FKBP5: variants seen among roughly 807,000 people sequenced by gnomAD.
FKBP5 encodes the protein FKBP prolyl isomerase 5.
A neutral mutation model predicts 50.5 loss-of-function variants in FKBP5; 23 were observed. That is an observed-to-expected ratio of 0.46 (90% confidence interval 0.33 to 0.65). FKBP5 has a LOEUF of 0.65. Ranked by LOEUF, FKBP5 falls within the 30% of genes least tolerant of loss-of-function variation. The pLI is 0.02. For missense variants in FKBP5, 411 were observed against 553.1 expected (o/e 0.74, Z 2.58); for synonymous variants, 176 against 190.6 (o/e 0.92, Z 0.63).
intron 1 of FKBP5, among the ~76,000 whole-genome samples, chr6:35,683,096 GTGTGTGTGTATATATATACGTATA>G (rs1254667773): frequency 7.4e-5 from 11 of 147,796 alleles, no homozygotes; most frequent in Middle Eastern, 3.4e-3. Context: ...AAAAAAAAAA[GTGTGTGTGTATATATATACGTATA>G]TGTGTGTGTG....
chr6:35,586,121 T>A, intron 8 of FKBP5: 1 of 984,964 alleles, frequency 1.0e-6, no homozygotes, highest in Non-Finnish European at 1.2e-6. Context: ...CTAATTCTCA[T>A]CACTAAGCCC....
chr6:35,589,115 TATATATATATATA>T (rs1208417181), intron 7 of FKBP5, among the ~76,000 whole-genome samples: 13 of 126,892 alleles, frequency 1.0e-4, no homozygotes, highest in African/African-American at 3.7e-4. Context: ...TATTTTTATA[TATATATATATATA>T]TTTTTTTTTT....
At chr6:35,688,012 C>T (rs1765882402) in intron 1 of FKBP5, among the ~76,000 whole-genome samples, 1 of 152,266 alleles carries the variant, frequency 6.6e-6, no homozygotes, top group Admixed American at 6.5e-5. Context: ...AAGACGTTTT[C>T]ACGTCCCAGA....
At chr6:35,609,952 C>T (rs1316358439) in intron 5 of FKBP5, among the ~76,000 whole-genome samples, 1 of 152,112 alleles carries the variant, frequency 6.6e-6, no homozygotes, top group Non-Finnish European at 1.5e-5. Flanking sequence ...CATTTTAGTG[C>T]TGCTTTTTTC....
chr6:35,586,448 C>G, intron 8 of FKBP5: 2 of 986,000 alleles, frequency 2.0e-6, no homozygotes, highest in Non-Finnish European at 1.2e-6. Context: ...TTATCATATG[C>G]TCTAGTGACT....
chr6:35,607,276 G>A (rs1763352399), intron 5 of FKBP5, among the ~76,000 whole-genome samples: 1 of 151,860 alleles, frequency 6.6e-6, no homozygotes, highest in African/African-American at 2.4e-5. Context: ...TGTTGCCCAG[G>A]TTAGACTGCA....
intron 1 of FKBP5, among the ~76,000 whole-genome samples, chr6:35,723,614 C>T (rs1209266512): frequency 6.6e-6 from 1 of 152,144 alleles, no homozygotes; most frequent in Non-Finnish European, 1.5e-5. Context: ...GAGAGAAATT[C>T]AGAAGGAAAG....
chr6:35,701,916 C>T (rs1384988400), intron 2 of FKBP5, among the ~76,000 whole-genome samples: 1 of 151,570 alleles, frequency 6.6e-6, no homozygotes, highest in African/African-American at 2.4e-5. Flanking sequence ...GGCATGATTT[C>T]GGCTCACTGC....
chr6:35,617,479 C>T (rs1434080099), intron 5 of FKBP5, among the ~76,000 whole-genome samples: 2 of 151,988 alleles, frequency 1.3e-5, no homozygotes, highest in Non-Finnish European at 2.9e-5. Flanking sequence ...CAGGTGCACA[C>T]CATTACACCT....
chr6:35,575,747 A>G lies in FKBP5; in HGVS notation c.*88T>C. The G allele has an allele frequency of 1.1e-6, 1 of 925,328 alleles. No individual in the cohort carries two copies. The allele number at this position is 925,328 out of a possible 1,614,324, so 57.3% of individuals were successfully genotyped here. On this transcript the variant is annotated 3_prime_UTR_variant, in exon 11 of 11. Coordinates refer to ENST00000357266, the MANE Select transcript of FKBP5 (RefSeq NM_004117.4). The stretch of plus-strand genomic sequence containing the variant: ...AATCACATAGACTATAACAAACTTT[A>G]CATTAAACACTGTTCTGTCCTGAGT...
chr6:35,627,928 A>ATTTT lies in FKBP5; in HGVS notation c.251-7658_251-7655dup, dbSNP rs35468991. Among the ~76,000 whole-genome samples, 340 of 108,400 alleles carry ATTTT rather than the reference A, an allele frequency of 3.1e-3. 3 individuals carry two copies. Among genetic ancestry groups the ATTTT allele is most frequent in the African/African-American group, 0.011 (297 of 27,016 alleles). The allele number at this position is 108,400 out of a possible 152,430, so 71.1% of individuals were successfully genotyped here. On this transcript the variant is annotated intron_variant, in intron 3 of 10. Coordinates refer to ENST00000357266, the MANE Select transcript of FKBP5 (RefSeq NM_004117.4). ...AGGCATGCGCCACCATGCCCAGCTA[A>ATTTT]TTTTTTTTTTTTTTTTTTTTTTTAG... is the stretch of plus-strand genomic sequence containing the variant.
chr6:35,673,788 T>C (rs1765455879), intron 1 of FKBP5, among the ~76,000 whole-genome samples: 1 of 152,160 alleles, frequency 6.6e-6, no homozygotes, highest in Admixed American at 6.5e-5. Flanking sequence ...AACTATTTTT[T>C]GTCTTGGTGC....
At chr6:35,720,146 G>A (rs1040503609) in intron 2 of FKBP5, among the ~76,000 whole-genome samples, 1 of 152,176 alleles carries the variant, frequency 6.6e-6, no homozygotes, top group African/African-American at 2.4e-5. Context: ...CTGGTCTTCC[G>A]GGGGTGCCTG....
chr6:35,626,090 T>C (rs1375094182), intron 3 of FKBP5, among the ~76,000 whole-genome samples: 4 of 152,204 alleles, frequency 2.6e-5, no homozygotes, highest in African/African-American at 7.2e-5. Context: ...CGTCAATTTA[T>C]TCTTACACTT....
chr6:35,652,481 T>C (rs1272110854), intron 1 of FKBP5, among the ~76,000 whole-genome samples: 4 of 152,220 alleles, frequency 2.6e-5, no homozygotes, highest in Non-Finnish European at 5.9e-5. Context: ...GGTAGGTCTC[T>C]GAACTGGCCC....
intron 10 of FKBP5, 38 bp downstream of exon 10, chr6:35,576,956 C>T (rs1762239700): frequency 1.2e-6 from 2 of 1,606,270 alleles, no homozygotes; most frequent in East Asian, 4.5e-5. Context: ...CATGGTCAGG[C>T]TCTTGATCCA....
chr6:35,655,394 T>C (rs899056687), intron 1 of FKBP5, among the ~76,000 whole-genome samples: 2 of 152,206 alleles, frequency 1.3e-5, no homozygotes, highest in East Asian at 3.8e-4. Flanking sequence ...CTAGGTTTTC[T>C]ATAGAAAGTC....
chr6:35,667,434 G>A (rs1380141065), intron 1 of FKBP5, among the ~76,000 whole-genome samples: 3 of 152,108 alleles, frequency 2.0e-5, no homozygotes, highest in African/African-American at 4.8e-5. Flanking sequence ...GCTCCCATAA[G>A]ACAAATATTA....
chr6:35,623,007 C>T (rs1324728740), intron 3 of FKBP5, among the ~76,000 whole-genome samples: 1 of 152,230 alleles, frequency 6.6e-6, no homozygotes, highest in Non-Finnish European at 1.5e-5. Flanking sequence ...CTTTGGGAGG[C>T]TGAGGCGGGC....
Sources: gnomAD v4.1 joint callset for allele counts (sites outside exome capture counted in the v4.1 genomes callset) on GRCh38, gnomAD v4.1.1 for gene constraint, MANE v1.5 for transcripts, NCBI Gene and HGNC (gene_info 2026-07-23, HGNC 2026-07-21) for gene names.